Variants in CAMKMT observed in about 807,000 individuals in gnomAD.
CAMKMT encodes CaM KMT.
Under a neutral mutation model 48.0 loss-of-function variants are expected in CAMKMT, and 53 were observed. The observed-to-expected ratio is 1.10, with a 90% confidence interval of 0.89 to 1.39. CAMKMT has a LOEUF of 1.39. Ranked by LOEUF, CAMKMT falls within the 40% of genes most tolerant of loss-of-function variation. The pLI, the probability that CAMKMT is intolerant of heterozygous loss-of-function variation, is 0.00. For synonymous variants in CAMKMT, 165 were observed against 152.3 expected (o/e 1.08, Z -0.61); for missense variants, 428 against 402.7 (o/e 1.06, Z -0.54).
intron 3 of CAMKMT, among the ~76,000 whole-genome samples, chr2:44,617,269 G>T (rs1396882740): frequency 1.3e-5 from 2 of 152,090 alleles, no homozygotes; most frequent in Non-Finnish European, 2.9e-5. Context: ...CCATAACTGT[G>T]GCTCTGCAGG....
intron 3 of CAMKMT, among the ~76,000 whole-genome samples, chr2:44,468,867 A>T (rs1668266813): frequency 6.6e-6 from 1 of 152,304 alleles, no homozygotes; most frequent in South Asian, 2.1e-4. Context: ...GTGGTGAGCC[A>T]TGATTGCTCC....
At chr2:44,462,890 C>G (rs979189024) in intron 3 of CAMKMT, among the ~76,000 whole-genome samples, 4 of 152,162 alleles carry the variant, frequency 2.6e-5, no homozygotes, top group Admixed American at 2.6e-4. Context: ...CCTGTAGAGT[C>G]TGAGTTTTGC....
chr2:44,507,152 T>C (rs1006195280), intron 3 of CAMKMT, among the ~76,000 whole-genome samples: 3 of 152,156 alleles, frequency 2.0e-5, no homozygotes, highest in African/African-American at 7.2e-5. Flanking sequence ...ATAGAAGTTA[T>C]TAATGAGCTT....
intron 3 of CAMKMT, among the ~76,000 whole-genome samples, chr2:44,483,201 G>A (rs1669060178): frequency 1.3e-5 from 2 of 152,140 alleles, no homozygotes; most frequent in South Asian, 4.1e-4. Context: ...AGTGTGGGGA[G>A]AATAAAGCTG....
At chr2:44,525,124 T>C (rs938515641) in intron 3 of CAMKMT, among the ~76,000 whole-genome samples, 1 of 152,228 alleles carries the variant, frequency 6.6e-6, no homozygotes, top group Non-Finnish European at 1.5e-5. Context: ...TTCAGGCATT[T>C]ATATAAATTT....
At chr2:44,541,719 C>G (rs1312136214) in intron 3 of CAMKMT, among the ~76,000 whole-genome samples, 3 of 148,162 alleles carry the variant, frequency 2.0e-5, no homozygotes, top group African/African-American at 7.5e-5. Context: ...TGCAGTGAGC[C>G]ATGAGTGTGC....
At chr2:44,533,294 A>G (rs1210991810) in intron 3 of CAMKMT, among the ~76,000 whole-genome samples, 2 of 151,052 alleles carry the variant, frequency 1.3e-5, no homozygotes, top group East Asian at 3.9e-4. Context: ...GCTGGAGTGC[A>G]ATGGTGTGAT....
In CAMKMT at chr2:44,617,906, T is replaced by C. The variant is rs111346545; in HGVS notation, c.377-86377T>C. On this transcript the variant is annotated intron_variant, in intron 3 of 10. Coordinates refer to ENST00000378494, the MANE Select transcript of CAMKMT (RefSeq NM_024766.5). ...AGGCAACGAATAAATGAGTGTGTGATACTGAAATGAAAAAAATAGGATATA... is the reference window on the plus strand; with the variant it reads ...AGGCAACGAATAAATGAGTGTGTGACACTGAAATGAAAAAAATAGGATATA... Among the ~76,000 whole-genome samples the C allele has an allele frequency of 2.1e-3, 315 of 152,340 alleles. 1 individual carries two copies. In the Middle Eastern group the frequency reaches 0.024, roughly 12 times the overall value.
chr2:44,615,446 A>T (rs1671834733), intron 3 of CAMKMT, among the ~76,000 whole-genome samples: 1 of 152,162 alleles, frequency 6.6e-6, no homozygotes, highest in Admixed American at 6.5e-5. Flanking sequence ...AGAGATTTAG[A>T]AGGAAAAAAA....
At chr2:44,374,440 T>G (rs1679480228) in intron 2 of CAMKMT, among the ~76,000 whole-genome samples, 1 of 152,230 alleles carries the variant, frequency 6.6e-6, no homozygotes, top group Non-Finnish European at 1.5e-5. Context: ...GACAGAGTGA[T>G]CCAGTAGGGG....
At chr2:44,486,780 T>G (rs1572629872) in intron 3 of CAMKMT, among the ~76,000 whole-genome samples, 3 of 152,226 alleles carry the variant, frequency 2.0e-5, no homozygotes, top group Non-Finnish European at 4.4e-5. Flanking sequence ...AAATCCTTGG[T>G]GTACCCCCCA....
At chr2:44,546,154 G>GACACACACACACACACACAC (rs4039614) in intron 3 of CAMKMT, among the ~76,000 whole-genome samples, 31 of 129,168 alleles carry the variant, frequency 2.4e-4, no homozygotes, top group African/African-American at 7.8e-4. Context: ...AGACTGCTAG[G>GACACACACACACACACACAC]ACACACACAC....
chr2:44,503,139 C>A (rs900674724), intron 3 of CAMKMT, among the ~76,000 whole-genome samples: 6 of 152,018 alleles, frequency 3.9e-5, no homozygotes, highest in East Asian at 1.9e-4. Flanking sequence ...TAAAAAAATT[C>A]TTTCCCATAT....
At chr2:44,734,310 C>G (rs1233986916) in intron 7 of CAMKMT, among the ~76,000 whole-genome samples, 1 of 151,974 alleles carries the variant, frequency 6.6e-6, no homozygotes, top group African/African-American at 2.4e-5. Flanking sequence ...TCTTTGGACC[C>G]CAGGTTATTT....
At chr2:44,441,681 A>G (rs1447498705) in intron 3 of CAMKMT, among the ~76,000 whole-genome samples, 1 of 152,180 alleles carries the variant, frequency 6.6e-6, no homozygotes, top group African/African-American at 2.4e-5. Context: ...TCAAATTTAG[A>G]AAGTGCTTGG....
chr2:44,515,367 A>C (rs1200786288), intron 3 of CAMKMT, among the ~76,000 whole-genome samples: 1 of 152,164 alleles, frequency 6.6e-6, no homozygotes, highest in South Asian at 2.1e-4. Flanking sequence ...AACTCAGTCA[A>C]AATGCTTACA....
Position 44,657,819 on chromosome 2 carries a change from A to T in CAMKMT, c.377-46464A>T, listed in dbSNP as rs1674456670. 6.6e-6 allele frequency among the ~76,000 whole-genome samples: 1 copy of T among 152,174 alleles called. No individual in the cohort carries two copies. Among genetic ancestry groups the T allele is most frequent in the Non-Finnish European group, 1.5e-5 (1 of 68,024 alleles). On this transcript the variant is annotated intron_variant, in intron 3 of 10. Coordinates refer to ENST00000378494, the MANE Select transcript of CAMKMT (RefSeq NM_024766.5). This position sits in a 1 kb window ranked among gnomAD's most constrained non-coding sequence, Gnocchi z 4.3. ...CTGCTAACCAAAGAAGGAAAATGAG[A>T]TTGTACCCCTTTAGAGCTGGAGTCC...
chr2:44,427,715 C>G (rs757850781), intron 3 of CAMKMT, among the ~76,000 whole-genome samples: 12 of 152,094 alleles, frequency 7.9e-5, no homozygotes, highest in Non-Finnish European at 1.3e-4. Flanking sequence ...AACATGGAGC[C>G]CAAGAGGCCA....
chr2:44,459,869 T>C (rs1239295872), intron 3 of CAMKMT, among the ~76,000 whole-genome samples: 1 of 152,114 alleles, frequency 6.6e-6, no homozygotes, highest in African/African-American at 2.4e-5. Flanking sequence ...ATGAAAATAA[T>C]GGACTGAGCT....
Sources: allele counts gnomAD v4.1 joint callset (sites outside exome capture counted in the v4.1 genomes callset), GRCh38; gene constraint gnomAD v4.1.1; non-coding constraint Gnocchi (gnomAD v3.1); transcripts MANE v1.5; gene names NCBI Gene and HGNC (gene_info 2026-07-23, HGNC 2026-07-21).